SLC8A1: variants seen among roughly 807,000 people sequenced by gnomAD.
SLC8A1 encodes the protein solute carrier family 8 member A1.
In SLC8A1, 18 loss-of-function variants were observed where a neutral mutation model predicts 68.3. The observed-to-expected ratio is 0.26, with a 90% CI of 0.18 to 0.39. The LOEUF is 0.39. Ranked by LOEUF, SLC8A1 falls within the 10% of genes least tolerant of loss-of-function variation. The pLI is 1.00. For missense variants in SLC8A1, 985 were observed against 1,156.7 expected (o/e 0.85, Z 2.15); for synonymous variants, 475 against 415.5 (o/e 1.14, Z -1.74).
At chr2:40,117,367 A>C (rs1404387369) in intron 7 of SLC8A1, among the ~76,000 whole-genome samples, 1 of 136,282 alleles carries the variant, frequency 7.3e-6, no homozygotes, top group Non-Finnish European at 1.5e-5. Context: ...CAACATGGTG[A>C]AACCCTGTCT....
At chr2:40,501,846 G>A (rs905273421) in intron 1 of SLC8A1, among the ~76,000 whole-genome samples, 3 of 152,042 alleles carry the variant, frequency 2.0e-5, no homozygotes, top group African/African-American at 7.2e-5. Context: ...CCCTGTGGAT[G>A]CAGAGTGTCC....
At chr2:40,271,715 T>A (rs556829647) in intron 2 of SLC8A1, among the ~76,000 whole-genome samples, 11 of 152,296 alleles carry the variant, frequency 7.2e-5, no homozygotes, top group Non-Finnish European at 1.2e-4. Context: ...CAATGTATAT[T>A]TGATGAGCCC....
chr2:40,402,855 T>C (rs1689154684), intron 2 of SLC8A1, among the ~76,000 whole-genome samples: 1 of 152,226 alleles, frequency 6.6e-6, no homozygotes, highest in African/African-American at 2.4e-5. Flanking sequence ...AACTTTGTGC[T>C]CAGTAAACTG....
Position 40,178,500 on chromosome 2 carries a change from CAG to C in SLC8A1, c.1809-647_1809-646del, listed in dbSNP as rs1384643914. On this transcript the variant is annotated intron_variant, in intron 2 of 7. Transcript: ENST00000406785. ...CTTGACTGATATTGTTTTGCTGAAACAGAGAATAGAAATTGACGAACAAGGGG... is the reference window on the plus strand; with the variant it reads ...CTTGACTGATATTGTTTTGCTGAAACAGAATAGAAATTGACGAACAAGGGG... The C allele has an allele frequency of 2.1e-5, 34 of 1,605,080 alleles. No homozygotes were observed. Among genetic ancestry groups the C allele is most frequent in the Non-Finnish European group, 2.7e-5 (32 of 1,172,886 alleles).
At chr2:40,433,188 G>C (rs1698718280) in intron 1 of SLC8A1, among the ~76,000 whole-genome samples, 1 of 151,948 alleles carries the variant, frequency 6.6e-6, no homozygotes, top group South Asian at 2.1e-4. Flanking sequence ...CTCTTCATTG[G>C]TTTCCCACTT....
chr2:40,284,414 G>T (rs1223141235), intron 2 of SLC8A1, among the ~76,000 whole-genome samples: 8 of 144,194 alleles, frequency 5.5e-5, no homozygotes, highest in African/African-American at 1.5e-4. Context: ...TATTTATATA[G>T]AGAGATCTAT....
intron 7 of SLC8A1, among the ~76,000 whole-genome samples, chr2:40,131,063 T>G (rs1265364181): frequency 6.6e-6 from 1 of 152,246 alleles, no homozygotes; most frequent in Non-Finnish European, 1.5e-5. Context: ...AAGGGTCTAC[T>G]ATATGCGAGG....
At chr2:40,239,522 C>T (rs1042006577) in intron 2 of SLC8A1, among the ~76,000 whole-genome samples, 7 of 152,150 alleles carry the variant, frequency 4.6e-5, no homozygotes, top group Non-Finnish European at 1.0e-4. Flanking sequence ...CTGAGGTACA[C>T]AAGTAAATGT....
intron 2 of SLC8A1, among the ~76,000 whole-genome samples, chr2:40,381,637 G>C (rs989777693): frequency 6.6e-6 from 1 of 151,786 alleles, no homozygotes; most frequent in Non-Finnish European, 1.5e-5. Flanking sequence ...CTGTCCTATA[G>C]AACAGATGTT....
intron 1 of SLC8A1, among the ~76,000 whole-genome samples, chr2:40,441,242 G>T (rs975712164): frequency 6.6e-6 from 1 of 152,022 alleles, no homozygotes; most frequent in African/African-American, 2.4e-5. Flanking sequence ...ACCTCTTCAA[G>T]GAGAACTACA....
At chr2:40,389,560 A>G (rs1163917992) in intron 2 of SLC8A1, among the ~76,000 whole-genome samples, 2 of 151,934 alleles carry the variant, frequency 1.3e-5, no homozygotes, top group Non-Finnish European at 2.9e-5. Context: ...TCCCAAGTCT[A>G]CCACTTAGAC....
At chr2:40,117,430 T>A (rs1310282706) in intron 7 of SLC8A1, among the ~76,000 whole-genome samples, 1 of 133,704 alleles carries the variant, frequency 7.5e-6, no homozygotes, top group Non-Finnish European at 1.6e-5. Context: ...CCAGGCGTGG[T>A]GGTACACACC....
chr2:40,414,020 G>C (rs1035033565), intron 2 of SLC8A1, among the ~76,000 whole-genome samples: 1 of 152,086 alleles, frequency 6.6e-6, no homozygotes, highest in Non-Finnish European at 1.5e-5. Flanking sequence ...AATTATGTAA[G>C]AGAATAACCT....
intron 4 of SLC8A1, among the ~76,000 whole-genome samples, chr2:40,174,464 A>G (rs1287810685): frequency 6.6e-6 from 1 of 152,146 alleles, no homozygotes; most frequent in Non-Finnish European, 1.5e-5. Context: ...CATTAGCACT[A>G]TGTGAACATT....
At chr2:40,438,061 A>C (rs1415444921) in intron 1 of SLC8A1, among the ~76,000 whole-genome samples, 1 of 152,152 alleles carries the variant, frequency 6.6e-6, no homozygotes, top group Non-Finnish European at 1.5e-5. Context: ...TGAGTTAATA[A>C]ACCCAGCATT....
At chr2:40,149,729 C>T (rs963637694) in intron 6 of SLC8A1, among the ~76,000 whole-genome samples, 2 of 152,144 alleles carry the variant, frequency 1.3e-5, no homozygotes, top group African/African-American at 2.4e-5. Context: ...CACGAGGCTG[C>T]TGTGGGGCTT....
intron 2 of SLC8A1, among the ~76,000 whole-genome samples, chr2:40,234,345 T>G (rs1005456609): frequency 3.3e-5 from 5 of 151,928 alleles, no homozygotes; most frequent in African/African-American, 1.2e-4. Context: ...CTAGGTATTT[T>G]ATTCTCTTTG....
At chr2:40,154,861 C>T (rs901297546) in intron 6 of SLC8A1, among the ~76,000 whole-genome samples, 8 of 152,004 alleles carry the variant, frequency 5.3e-5, no homozygotes, top group African/African-American at 1.7e-4. Context: ...GATGGGGTTT[C>T]ACTATGTTGC....
intron 2 of SLC8A1, among the ~76,000 whole-genome samples, chr2:40,420,360 T>TAA (rs200504689): frequency 2.0e-3 from 282 of 138,414 alleles, no homozygotes; most frequent in Middle Eastern, 0.011. Flanking sequence ...GGTAACACAT[T>TAA]AAAAAAAAAA....
Sources: gnomAD v4.1 joint callset for allele counts (sites outside exome capture counted in the v4.1 genomes callset) on GRCh38, gnomAD v4.1.1 for gene constraint, MANE v1.5 for transcripts, NCBI Gene and HGNC (gene_info 2026-07-23, HGNC 2026-07-21) for gene names.